The following FAM120C variants were observed in gnomAD, a reference collection of about 807,000 sequenced individuals.
The protein encoded by FAM120C is family with sequence similarity 120 member C, also known as constitutive coactivator of PPAR-gamma-like protein 2.
In FAM120C, 14 loss-of-function variants were observed where a neutral mutation model predicts 71.2. The observed-to-expected ratio is 0.20, with a 90% CI of 0.13 to 0.31. The LOEUF (loss-of-function observed/expected upper bound fraction) is 0.31. FAM120C is among the 10% of genes least tolerant of loss of function. The probability of loss-of-function intolerance (pLI) is 1.00; values close to 1 mark genes in which losing one functional copy is unlikely to be tolerated. For synonymous variants in FAM120C, 354 were observed against 353.2 expected (o/e 1.00, Z -0.03); for missense variants, 500 against 879.0 (o/e 0.57, Z 5.45).
intron 1 of FAM120C, 43 bp downstream of exon 1, chrX:54,182,457 A>C (rs1557137503): frequency 8.7e-7 from 1 of 1,152,225 alleles, no homozygotes; most frequent in South Asian, 2.0e-5. Context: ...TTGGGAGGGA[A>C]TAGGTGTGGG....
At chrX:54,089,956 T>A (rs782278679) in intron 11 of FAM120C, among the ~76,000 whole-genome samples, 1 of 108,306 alleles carries the variant, frequency 9.2e-6, no homozygotes, top group African/African-American at 3.4e-5. Context: ...CGAAACTCCA[T>A]CTTGAAAAAA....
chrX:54,099,013 CTTTT>C (rs148758632), intron 10 of FAM120C, among the ~76,000 whole-genome samples: 7 of 47,975 alleles, frequency 1.5e-4, no homozygotes, highest in East Asian at 6.7e-4. Context: ...TACTTGTAGG[CTTTT>C]TTTTTTTTTT....
At chrX:54,074,664 G>A (rs1442047828) in intron 15 of FAM120C, among the ~76,000 whole-genome samples, 1 of 112,344 alleles carries the variant, frequency 8.9e-6, no homozygotes, top group African/African-American at 3.2e-5. Context: ...TGATCCACCC[G>A]CCTCAGCTCC....
At chrX:54,095,358 T>C (rs2066845697) in intron 10 of FAM120C, among the ~76,000 whole-genome samples, 1 of 94,376 alleles carries the variant, frequency 1.1e-5, no homozygotes, top group Admixed American at 1.2e-4. Flanking sequence ...TCCACATCTT[T>C]TTTTTTTTTT....
chrX:54,081,271 T>G (rs1557121248), intron 14 of FAM120C, 51 bp downstream of exon 14: 1 of 1,146,362 alleles, frequency 8.7e-7, no homozygotes, highest in Non-Finnish European at 1.2e-6. Flanking sequence ...CAAGGAGGCC[T>G]AGGCATTTTC....
chrX:54,160,675 C>T (rs1278428701), intron 1 of FAM120C, among the ~76,000 whole-genome samples: 1 of 111,499 alleles, frequency 9.0e-6, no homozygotes. Flanking sequence ...TCACATAAGA[C>T]CTGGTACGTA....
rs781881599 is a variant in FAM120C, at chrX:54,132,869, A to G, written c.1891-6T>C. ...ACGGGGATCTTAATTTCACCCTAAC[A>G]AGAGAACATTCCAGGGAAAAGGAAA... On this transcript the variant is annotated splice_region_variant and splice_polypyrimidine_tract_variant and intron_variant, in intron 8 of 15. Coordinates refer to ENST00000375180, the MANE Select transcript of FAM120C (RefSeq NM_017848.6). The G allele has an allele frequency of 6.8e-6, 8 of 1,177,727 alleles. No homozygotes were observed. In the African/African-American group the frequency reaches 7.2e-5, roughly 11 times the overall value.
chrX:54,155,026 T>A (rs2067202748), intron 3 of FAM120C, among the ~76,000 whole-genome samples: 1 of 109,725 alleles, frequency 9.1e-6, no homozygotes, highest in Non-Finnish European at 1.9e-5. Flanking sequence ...CATGGTGAGA[T>A]CACATCTCTA....
intron 3 of FAM120C, among the ~76,000 whole-genome samples, chrX:54,157,211 T>C (rs1203677432): frequency 8.9e-6 from 1 of 111,923 alleles, no homozygotes; most frequent in Non-Finnish European, 1.9e-5. Context: ...TAGACTTGTA[T>C]GAATTCTTGA....
chrX:54,073,353 TTC>T, intron 15 of FAM120C, 66 bp from the exon 16 acceptor site: 1 of 1,092,014 alleles, frequency 9.2e-7, no homozygotes, highest in South Asian at 2.4e-5. Context: ...CCTAAGCATA[TTC>T]ATAAGCTAGC....
chrX:54,078,872 G>GAT (rs1721216856), intron 15 of FAM120C, among the ~76,000 whole-genome samples: 1 of 110,185 alleles, frequency 9.1e-6, no homozygotes, highest in Non-Finnish European at 1.9e-5. Flanking sequence ...TGGATTAGAA[G>GAT]AAAGTTTAAA....
At chrX:54,076,862 C>T (rs1557120741) in intron 15 of FAM120C, among the ~76,000 whole-genome samples, 1 of 111,495 alleles carries the variant, frequency 9.0e-6, no homozygotes, top group Non-Finnish European at 1.9e-5. Flanking sequence ...GAGGCCGAGG[C>T]AGGCGGATCA....
At chrX:54,176,320 C>A (rs2067317369) in intron 1 of FAM120C, among the ~76,000 whole-genome samples, 1 of 108,356 alleles carries the variant, frequency 9.2e-6, no homozygotes, top group Non-Finnish European at 1.9e-5. Context: ...GCAGTCCCAG[C>A]TACTTGGGAG....
At chrX:54,137,946 G>A (rs1208363523) in intron 4 of FAM120C, among the ~76,000 whole-genome samples, 3 of 111,245 alleles carry the variant, frequency 2.7e-5, no homozygotes, top group Admixed American at 1.9e-4. Context: ...TCTTCTAGGA[G>A]GATACAGTTA....
In FAM120C at chrX:54,136,521, A is replaced by G; in HGVS notation, c.1228T>C (p.Ser410Pro). ...AAGGAGGGACCCACTGGCAGCGAAG[A>G]GAGTTTGGTTGTGACTGAATAATAC... is the stretch of plus-strand genomic sequence containing the variant. ...VEYYSVTTKL[S>P]SLPVGPSFLG... is the part of the protein sequence containing the mutation. Residue 410 changes from serine (S) to proline (P), a missense_variant, in exon 5 of 16, where the codon TCT (serine) becomes CCT (proline). Around this residue, in one of 11 missense-constraint regions of FAM120C, gnomAD observed 55 missense variants for 96.7 expected, o/e 0.57. Transcript: ENST00000375180. 8.3e-7 allele frequency: 1 copy of G among 1,210,133 alleles called. No homozygotes were observed. The highest frequency in any genetic ancestry group is 1.1e-6 in the Non-Finnish European group (1 of 894,155).
At chrX:54,125,208 CAA>C (rs150428797) in intron 9 of FAM120C, among the ~76,000 whole-genome samples, 9 of 47,733 alleles carry the variant, frequency 1.9e-4, no homozygotes, top group Admixed American at 2.7e-4. Context: ...GACTCTGTCT[CAA>C]AAAAAAAAAA....
chrX:54,175,521 T>A lies in FAM120C; in HGVS notation c.699+6979A>T, dbSNP rs75099408. On this transcript the variant is annotated intron_variant, in intron 1 of 15. Coordinates refer to ENST00000375180, the MANE Select transcript of FAM120C (RefSeq NM_017848.6). ...CAAGATATTTTATACTTTTTTTTTTTAATATATACAGGGTCTTAACTCCGT... is the reference window on the plus strand; with the variant it reads ...CAAGATATTTTATACTTTTTTTTTTAAATATATACAGGGTCTTAACTCCGT... 3.2e-3 allele frequency among the ~76,000 whole-genome samples: 347 copies of A among 109,342 alleles called. 2 individuals are homozygous for A. The highest frequency in any genetic ancestry group is 0.011 in the East Asian group (39 of 3,484). 95.0% of individuals were successfully genotyped at this position (109,342 alleles called of 115,157 possible).
Position 54,182,867 on chromosome X carries a change from G to T in FAM120C, c.332C>A (p.Pro111His), listed in dbSNP as rs782818621. The stretch of plus-strand genomic sequence containing the variant: ...CAGCACCCGGGCCCCGGGCAGCTGA[G>T]GGGGCGGCGGCGGCGGCAGCGGAGG... ...LHPPLPPPPPPQLPGARVLVD... is the reference protein window; with the variant it reads ...LHPPLPPPPPHQLPGARVLVD... The change falls in exon 1 of 16, where the codon CCT (proline) becomes CAT (histidine). Residue 111 changes from proline (P) to histidine (H), a missense_variant. Pro to His is a moderately conservative substitution (Grantham distance 77). Coordinates refer to ENST00000375180, the MANE Select transcript of FAM120C (RefSeq NM_017848.6). The T allele has an allele frequency of 3.7e-4, 418 of 1,135,339 alleles. 1 individual carries two copies. The highest frequency in any genetic ancestry group is 4.6e-5 in the Non-Finnish European group (40 of 860,397). 93.6% of individuals were successfully genotyped at this position (1,135,339 alleles called of 1,213,427 possible). A position where few individuals can be genotyped will look rare whatever the true frequency, so the allele number is the denominator to read the frequency against.
Position 54,071,861 on chromosome X carries a change from T to C in FAM120C, c.*1172A>G, listed in dbSNP as rs1557120070. 1 of 108,651 alleles carries C rather than the reference T, an allele frequency of 9.2e-6. No homozygotes were observed. Among genetic ancestry groups the C allele is most frequent in the African/African-American group, 3.3e-5 (1 of 29,877 alleles). The allele number at this position is 108,651 out of a possible 1,213,427, so 9.0% of individuals were successfully genotyped here. A position where few individuals can be genotyped will look rare whatever the true frequency, so the allele number is the denominator to read the frequency against. On this transcript the variant is annotated 3_prime_UTR_variant, in exon 16 of 16. Coordinates refer to ENST00000375180, the MANE Select transcript of FAM120C (RefSeq NM_017848.6). ...TAAGAATTTCAGATTAAAAGTGTGG[T>C]CTTTTGAAACCTTCCACTCCATAGC...
Sources: allele counts gnomAD v4.1 joint callset (sites outside exome capture counted in the v4.1 genomes callset), GRCh38; gene constraint gnomAD v4.1.1; regional missense constraint gnomAD v4.1.1; transcripts MANE v1.5; gene names NCBI Gene and HGNC (gene_info 2026-07-23, HGNC 2026-07-21).